The following TLN2 variants were observed in gnomAD, a reference collection of about 807,000 sequenced individuals.
TLN2 encodes the protein talin 2, also known as talin-2.
Under a neutral mutation model 294.7 loss-of-function variants are expected in TLN2, and 118 were observed. The ratio of observed to expected loss-of-function variants is 0.40; its 90% confidence interval spans 0.34 to 0.47. The LOEUF (loss-of-function observed/expected upper bound fraction) is 0.47, where lower values mean the gene tolerates loss of function less well. Ranked by LOEUF, TLN2 falls within the 20% of genes least tolerant of loss-of-function variation. The pLI, the probability that TLN2 is intolerant of heterozygous loss-of-function variation, is 0.84. For synonymous variants in TLN2, 1,431 were observed against 1,304.5 expected (o/e 1.10, Z -2.09); for missense variants, 3,083 against 3,282.2 (o/e 0.94, Z 1.48).
intron 19 of TLN2, 35 bp downstream of exon 19, chr15:62,702,899 A>C: frequency 6.3e-7 from 1 of 1,590,176 alleles, no homozygotes; most frequent in Non-Finnish European, 8.6e-7. Flanking sequence ...CATGGAAAGA[A>C]GTCTAAGTGA....
intron 1 of TLN2, among the ~76,000 whole-genome samples, chr15:62,550,659 T>G (rs904506072): frequency 6.6e-6 from 1 of 152,210 alleles, no homozygotes. Flanking sequence ...AAATTGGGCC[T>G]CTTTTCATAG....
intron 51 of TLN2, among the ~76,000 whole-genome samples, chr15:62,809,542 G>A (rs1308503506): frequency 2.0e-5 from 3 of 152,204 alleles, no homozygotes; most frequent in Non-Finnish European, 4.4e-5. Context: ...CTGCTAAAGA[G>A]AGGCAAAGCT....
At chr15:62,431,930 G>A (rs951466450) in intron 1 of TLN2, among the ~76,000 whole-genome samples, 4 of 152,060 alleles carry the variant, frequency 2.6e-5, no homozygotes, top group African/African-American at 9.7e-5. Flanking sequence ...CTTGGGCCCC[G>A]GGCATGGTCC....
intron 2 of TLN2, among the ~76,000 whole-genome samples, chr15:62,617,764 A>T (rs1011125352): frequency 2.6e-5 from 4 of 152,204 alleles, no homozygotes; most frequent in African/African-American, 9.7e-5. Flanking sequence ...AAATGCATAG[A>T]GGAGAAGGAT....
At chr15:62,573,909 GA>G (rs1401440420) in intron 1 of TLN2, among the ~76,000 whole-genome samples, 1 of 151,996 alleles carries the variant, frequency 6.6e-6, no homozygotes, top group African/African-American at 2.4e-5. Context: ...ACTATCTGAT[GA>G]AAGTTGGAGG....
intron 1 of TLN2, among the ~76,000 whole-genome samples, chr15:62,433,633 T>A (rs1483729009): frequency 1.3e-5 from 2 of 152,138 alleles, no homozygotes; most frequent in African/African-American, 2.4e-5. Flanking sequence ...ACTGGTTTTT[T>A]TCCCCCAGAT....
intron 1 of TLN2, among the ~76,000 whole-genome samples, chr15:62,412,502 G>GT (rs891628723): frequency 1.1e-4 from 17 of 152,230 alleles, no homozygotes; most frequent in African/African-American, 3.9e-4. Flanking sequence ...AGGAGCATGT[G>GT]TTTTTTGGCA....
chr15:62,616,559 G>T (rs949395689), intron 2 of TLN2, among the ~76,000 whole-genome samples: 1 of 152,110 alleles, frequency 6.6e-6, no homozygotes, highest in Non-Finnish European at 1.5e-5. Context: ...CTCCCAATGT[G>T]CTGAGATCAC....
intron 1 of TLN2, among the ~76,000 whole-genome samples, chr15:62,425,873 C>T (rs902634356): frequency 1.3e-5 from 2 of 152,182 alleles, no homozygotes; most frequent in African/African-American, 2.4e-5. Context: ...CTACTTATTG[C>T]CCCACATAGA....
chr15:62,798,416 A>G (rs2065678916), intron 48 of TLN2, among the ~76,000 whole-genome samples: 2 of 152,194 alleles, frequency 1.3e-5, no homozygotes, highest in South Asian at 2.1e-4. Context: ...CACATGCGGC[A>G]CAGCTCTTGG....
rs2062437125 is a variant in TLN2 at position 62,758,278 on chromosome 15, AC to A, written c.4638+2586del. On this transcript the variant is annotated intron_variant, in intron 37 of 58. Transcript: ENST00000636159. ...CTTTAAAATCCCAGAGCAGGGCTCCACGAGAATCCATTTCTGTGTTTCTGCC... is the reference window on the plus strand; with the variant it reads ...CTTTAAAATCCCAGAGCAGGGCTCCAGAGAATCCATTTCTGTGTTTCTGCC... 7.9e-5 allele frequency among the ~76,000 whole-genome samples: 12 copies of A among 152,306 alleles called. No homozygotes were observed. In the South Asian group the frequency reaches 2.3e-3, roughly 29 times the overall value.
intron 11 of TLN2, among the ~76,000 whole-genome samples, chr15:62,677,722 TTCCCTTCTTTCTC>T (rs1259834968): frequency 3.3e-5 from 5 of 151,650 alleles, no homozygotes; most frequent in Non-Finnish European, 7.4e-5. Context: ...CTCTCTTTCT[TTCCCTTCTTTCTC>T]TTTATTTTTT....
Position 62,708,679 on chromosome 15 carries a change from C to T in TLN2, c.2350C>T (p.Leu784Phe), listed in dbSNP as rs929679617. The change falls in exon 21 of 59, where the codon CTC becomes TTC. Residue 784 changes from leucine (L) to phenylalanine (F), a missense_variant. Transcript: ENST00000636159. ...ASVVSQALHDLLQHVRQFASR... is the reference protein window; with the variant it reads ...ASVVSQALHDFLQHVRQFASR... ...CGTGGTCAGCCAGGCCCTCCATGAT[C>T]TCCTGCAGCATGTGCGGCAGTTTGC... 1.9e-6 allele frequency: 3 copies of T among 1,614,140 alleles called. No individual in the cohort carries two copies. Among genetic ancestry groups the T allele is most frequent in the Non-Finnish European group, 2.5e-6 (3 of 1,180,044 alleles).
At chr15:62,724,035 C>T (rs1244187269) in intron 26 of TLN2, among the ~76,000 whole-genome samples, 2 of 152,066 alleles carry the variant, frequency 1.3e-5, no homozygotes, top group Non-Finnish European at 2.9e-5. Flanking sequence ...GTAGTTCCAG[C>T]TGCTCAGGAG....
chr15:62,530,508 C>T (rs1476013820), intron 1 of TLN2, among the ~76,000 whole-genome samples: 1 of 152,138 alleles, frequency 6.6e-6, no homozygotes, highest in African/African-American at 2.4e-5. Flanking sequence ...AGGCACGCGC[C>T]ACCATGCCCG....
intron 21 of TLN2, among the ~76,000 whole-genome samples, chr15:62,710,382 T>C (rs2059347845): frequency 1.3e-5 from 2 of 152,214 alleles, no homozygotes; most frequent in Non-Finnish European, 2.9e-5. Flanking sequence ...CATAGAACAA[T>C]ACCTTATAAC....
At chr15:62,453,526 C>T (rs1424674526) in intron 1 of TLN2, 1 of 152,092 alleles carries the variant, frequency 6.6e-6, no homozygotes, top group Admixed American at 6.5e-5. Context: ...CTTATCTGCC[C>T]CTGGCCATGG....
Position 62,567,882 on chromosome 15 carries a change from G to A in TLN2, c.-237-21805G>A, listed in dbSNP as rs1383719857. On this transcript the variant is annotated intron_variant, in intron 1 of 58. Coordinates refer to ENST00000636159, the MANE Select transcript of TLN2 (RefSeq NM_015059.3). ...GGGACCTTGCTTGAATGTGAAATGTGTAGGCTTGTGGCACATCATGAACTT... is the reference window on the plus strand; with the variant it reads ...GGGACCTTGCTTGAATGTGAAATGTATAGGCTTGTGGCACATCATGAACTT... Among the ~76,000 whole-genome samples the A allele has an allele frequency of 2.6e-5, 4 of 152,072 alleles. No homozygotes were observed. The East Asian group carries it at 7.8e-4, about 30-fold the overall frequency.
intron 9 of TLN2, among the ~76,000 whole-genome samples, chr15:62,673,517 A>T (rs1308052856): frequency 1.3e-5 from 2 of 149,682 alleles, no homozygotes; most frequent in African/African-American, 2.5e-5. Flanking sequence ...TAAAATAAAT[A>T]TTTCCTTTGT....
Sources: gnomAD v4.1 joint callset for allele counts (sites outside exome capture counted in the v4.1 genomes callset) on GRCh38, gnomAD v4.1.1 for gene constraint, MANE v1.5 for transcripts, NCBI Gene and HGNC (gene_info 2026-07-23, HGNC 2026-07-21) for gene names.